TACC2: variants seen among roughly 807,000 people sequenced by gnomAD.
TACC2 encodes the protein transforming acidic coiled-coil-containing protein 2.
In TACC2, 137 loss-of-function variants were observed where a neutral mutation model predicts 227.3. That is an observed-to-expected ratio of 0.60 (90% CI 0.52 to 0.69). The LOEUF is 0.69. TACC2 is among the 30% of genes least tolerant of loss of function. The pLI, the probability that TACC2 is intolerant of heterozygous loss-of-function variation, is 0.00. For synonymous variants in TACC2, 1,523 were observed against 1,487.5 expected (o/e 1.02, Z -0.55); for missense variants, 3,470 against 3,694.4 (o/e 0.94, Z 1.57).
chr10:122,140,257 G>T (rs2090334599), intron 6 of TACC2, among the ~76,000 whole-genome samples: 1 of 152,160 alleles, frequency 6.6e-6, no homozygotes, highest in African/African-American at 2.4e-5. Context: ...TGTCTAGCTG[G>T]GCTTAGCAGG....
chr10:122,226,492 CATG>C lies in TACC2; in HGVS notation c.7724+16_7724+18del. ...GACGCCGTGTTCAGGGTATGACTTC[CATG>C]ATGAGAGAGTTACACATCATGCTGG... On this transcript the variant is annotated intron_variant, in intron 13 of 22. Coordinates refer to ENST00000369005, the MANE Select transcript of TACC2 (RefSeq NM_206862.4). 1 of 1,586,152 alleles carries C rather than the reference CATG, an allele frequency of 6.3e-7. No individual in the cohort carries two copies. The highest frequency in any genetic ancestry group is 8.6e-7 in the Non-Finnish European group (1 of 1,156,412).
chr10:122,184,733 C>G (rs2094117997), intron 7 of TACC2, among the ~76,000 whole-genome samples: 1 of 152,166 alleles, frequency 6.6e-6, no homozygotes, highest in Admixed American at 6.5e-5. Flanking sequence ...ATTTAGGTAT[C>G]TTTGTGTAAG....
intron 2 of TACC2, among the ~76,000 whole-genome samples, chr10:122,041,583 A>T (rs1044618308): frequency 6.6e-6 from 1 of 151,816 alleles, no homozygotes; most frequent in African/African-American, 2.4e-5. Flanking sequence ...AGTAGCTGGG[A>T]TTACAGGTGC....
At chr10:122,097,719 A>G (rs542957040) in intron 5 of TACC2, among the ~76,000 whole-genome samples, 24 of 152,148 alleles carry the variant, frequency 1.6e-4, no homozygotes, top group Non-Finnish European at 2.9e-4. Context: ...GCTTCTTTGC[A>G]GGTAAATGGG....
chr10:122,031,364 C>T (rs1591274593), intron 2 of TACC2, among the ~76,000 whole-genome samples: 3 of 150,268 alleles, frequency 2.0e-5, no homozygotes, highest in Non-Finnish European at 4.4e-5. Context: ...CAGGTCCAGC[C>T]TTCCATGCTT....
At chr10:122,047,233 G>A (rs547752492) in intron 2 of TACC2, among the ~76,000 whole-genome samples, 7 of 127,830 alleles carry the variant, frequency 5.5e-5, no homozygotes, top group East Asian at 5.0e-4. Context: ...AGGTTGCAGC[G>A]ATCCGAGATG....
intron 8 of TACC2, among the ~76,000 whole-genome samples, chr10:122,195,882 G>T (rs1392548009): frequency 1.3e-5 from 2 of 152,160 alleles, no homozygotes; most frequent in African/African-American, 2.4e-5. Flanking sequence ...TGGCCAGGGG[G>T]CCCAGGTGGT....
intron 18 of TACC2, among the ~76,000 whole-genome samples, chr10:122,239,005 T>G (rs575087418): frequency 2.0e-4 from 30 of 151,912 alleles, no homozygotes; most frequent in Admixed American, 6.5e-4. Context: ...CTAGTTTTTT[T>G]TGTGTGTGTG....
intron 5 of TACC2, among the ~76,000 whole-genome samples, chr10:122,100,731 C>A (rs753825252): frequency 5.9e-5 from 9 of 152,170 alleles, no homozygotes; most frequent in Non-Finnish European, 1.2e-4. Context: ...CGACTGTTGT[C>A]TTCTCTTCTT....
At chr10:122,048,518 T>C (rs1393514305) in intron 2 of TACC2, among the ~76,000 whole-genome samples, 2 of 144,030 alleles carry the variant, frequency 1.4e-5, no homozygotes, top group Admixed American at 7.0e-5. Context: ...TCCTTTCCCC[T>C]ATTTGTTTCT....
intron 9 of TACC2, among the ~76,000 whole-genome samples, chr10:122,213,956 A>G (rs1007727901): frequency 2.0e-5 from 3 of 152,210 alleles, no homozygotes; most frequent in African/African-American, 7.2e-5. Context: ...TCAGTCACCC[A>G]GGACCTGGCT....
chr10:122,210,396 GGATGTGGTTCTGAGA>G lies in TACC2; in HGVS notation c.5972_5986del (p.Gly1991_Thr1996delinsAla), dbSNP rs1187559665. ...TGATGGCGTTGTCTGTGTTTCCCCA[GGATGTGGTTCTGAGA>G]CAGTCCCTGTCCCTGATGGCCCACG... On this transcript the variant is annotated inframe_deletion and splice_region_variant, in exon 9 of 23. Coordinates refer to ENST00000369005, the MANE Select transcript of TACC2 (RefSeq NM_206862.4). The surrounding 1 kb of genome is among the most constrained non-coding windows in gnomAD (Gnocchi z 4.6). The G allele has an allele frequency of 1.1e-5, 17 of 1,612,732 alleles. No individual in the cohort carries two copies. In the Middle Eastern group the frequency reaches 4.9e-4, roughly 47 times the overall value.
intron 7 of TACC2, chr10:122,192,649 T>C (rs889612495): frequency 2.0e-5 from 9 of 455,442 alleles, no homozygotes; most frequent in African/African-American, 1.4e-4. Flanking sequence ...GGGTGGGAAT[T>C]TGGGGGACAG....
chr10:122,147,981 G>T (rs988184609), intron 7 of TACC2, among the ~76,000 whole-genome samples: 1 of 152,018 alleles, frequency 6.6e-6, no homozygotes, highest in African/African-American at 2.4e-5. Context: ...CCAATCAACC[G>T]TGTTTTTTCC....
chr10:122,075,568 G>A (rs2078702770), intron 3 of TACC2, among the ~76,000 whole-genome samples: 1 of 152,158 alleles, frequency 6.6e-6, no homozygotes, highest in African/African-American at 2.4e-5. Context: ...ACTTCACTGA[G>A]AACTCAGAAG....
At chr10:122,196,011 C>T (rs1300456710) in intron 8 of TACC2, among the ~76,000 whole-genome samples, 1 of 152,192 alleles carries the variant, frequency 6.6e-6, no homozygotes, top group Non-Finnish European at 1.5e-5. Context: ...CCCTTCTAGA[C>T]CACACGCTGG....
At chr10:122,190,736 ACT>A (rs1225134793) in intron 7 of TACC2, among the ~76,000 whole-genome samples, 2 of 151,726 alleles carry the variant, frequency 1.3e-5, no homozygotes, top group African/African-American at 2.4e-5. Flanking sequence ...GCATCTCAGG[ACT>A]CTTCCCAGTG....
At chr10:122,030,325 T>G (rs1260117034) in intron 2 of TACC2, among the ~76,000 whole-genome samples, 1 of 152,186 alleles carries the variant, frequency 6.6e-6, no homozygotes. Flanking sequence ...TAGCAGAGAC[T>G]CATAGAAATG....
At chr10:122,148,139 C>T (rs546559934) in intron 7 of TACC2, among the ~76,000 whole-genome samples, 3 of 141,554 alleles carry the variant, frequency 2.1e-5, no homozygotes, top group Non-Finnish European at 4.5e-5. Context: ...GTTTCGCTCT[C>T]ATAGCCCAGG....
Sources: gnomAD v4.1 joint callset for allele counts (sites outside exome capture counted in the v4.1 genomes callset) on GRCh38, gnomAD v4.1.1 for gene constraint, Gnocchi (gnomAD v3.1) non-coding constraint, MANE v1.5 for transcripts, NCBI Gene and HGNC (gene_info 2026-07-23, HGNC 2026-07-21) for gene names.